The following BACH2 variants were observed in gnomAD, a reference collection of about 807,000 sequenced individuals.
BACH2 encodes the protein transcription regulator protein BACH2.
Under a neutral mutation model 61.8 loss-of-function variants are expected in BACH2, and 5 were observed. The ratio of observed to expected loss-of-function variants is 0.08; its 90% CI spans 0.04 to 0.17. BACH2 has a LOEUF of 0.17. BACH2 is among the 10% of genes least tolerant of loss of function. The pLI is 1.00. For missense variants in BACH2, 824 were observed against 1,091.1 expected (o/e 0.76, Z 3.45); for synonymous variants, 446 against 440.1 (o/e 1.01, Z -0.17).
chr6:90,076,314 G>A (rs753738046), intron 5 of BACH2, among the ~76,000 whole-genome samples: 14 of 151,896 alleles, frequency 9.2e-5, no homozygotes, highest in Non-Finnish European at 2.1e-4. Flanking sequence ...ATAAAACAAG[G>A]GCAAGCTTTT....
intron 4 of BACH2, among the ~76,000 whole-genome samples, chr6:90,173,321 T>C (rs1007426121): frequency 1.3e-5 from 2 of 152,124 alleles, no homozygotes; most frequent in Admixed American, 6.5e-5. Flanking sequence ...AATTAAAAAA[T>C]AGACAACATA....
Position 89,979,111 on chromosome 6 carries a change from A to G in BACH2, c.244-27249T>C, listed in dbSNP as rs894883248. ...GGAACACCAAAGAGATTTTCCCATA[A>G]AAAATAACTGTATGGACAGAAGTGT... On this transcript the variant is annotated intron_variant, in intron 6 of 8. Transcript: ENST00000257749. Among the ~76,000 whole-genome samples, 2 of 152,188 alleles carry G rather than the reference A, an allele frequency of 1.3e-5. 1 individual carries two copies. The highest frequency in any genetic ancestry group is 1.3e-4 in the Admixed American group (2 of 15,278).
chr6:90,125,693 G>A (rs987559099), intron 4 of BACH2, among the ~76,000 whole-genome samples: 10 of 152,144 alleles, frequency 6.6e-5, no homozygotes, highest in Non-Finnish European at 1.0e-4. Flanking sequence ...CCATTCCACC[G>A]GGCACATGCA....
rs1772533199 is a variant in BACH2, at chr6:89,929,690, C to G, written c.*2718G>C. ...GAGAAATAAAGAGGCCCCGCCCCTG[C>G]TAGAAATGGCTGCCAAACAGGTCTG... On this transcript the variant is annotated 3_prime_UTR_variant, in exon 9 of 9. Transcript: ENST00000257749. 1 of 152,276 alleles carries G rather than the reference C, an allele frequency of 6.6e-6. No individual in the cohort carries two copies. 9.4% of individuals were successfully genotyped at this position (152,276 alleles called of 1,614,324 possible).
chr6:90,119,346 C>T (rs557075365), intron 4 of BACH2, among the ~76,000 whole-genome samples: 5 of 152,272 alleles, frequency 3.3e-5, no homozygotes, highest in South Asian at 2.1e-4. Context: ...AATACGAAGA[C>T]TTAATGAGGA....
intron 3 of BACH2, among the ~76,000 whole-genome samples, chr6:90,234,070 C>T (rs1318651876): frequency 1.3e-5 from 2 of 152,206 alleles, no homozygotes; most frequent in African/African-American, 2.4e-5. Context: ...CCCCTTATCA[C>T]CACCCACATC....
At position 90,280,782 on chromosome 6, in the gene BACH2, T is replaced by C. The variant is rs572448312; in HGVS notation, c.-445-8841A>G. 3.4e-3 allele frequency among the ~76,000 whole-genome samples: 524 copies of C among 152,286 alleles called. 2 individuals are homozygous for C. Among genetic ancestry groups the C allele is most frequent in the Non-Finnish European group, 5.2e-3 (356 of 68,016 alleles). On this transcript the variant is annotated intron_variant, in intron 1 of 8. Coordinates refer to ENST00000257749, the MANE Select transcript of BACH2 (RefSeq NM_021813.4). ...CTAAGGGAGGTCCCACAGCCTCTGC[T>C]TGGGCATCTCCAGTATCCAGGACTT...
At chr6:90,150,634 G>T (rs1318247105) in intron 4 of BACH2, among the ~76,000 whole-genome samples, 1 of 152,168 alleles carries the variant, frequency 6.6e-6, no homozygotes, top group African/African-American at 2.4e-5. Context: ...AGGAAGGAAG[G>T]AGGATAGGCT....
At chr6:90,287,204 T>TA (rs941002616) in intron 1 of BACH2, among the ~76,000 whole-genome samples, 14 of 152,184 alleles carry the variant, frequency 9.2e-5, no homozygotes, top group Non-Finnish European at 1.6e-4. Context: ...CTATCTAAAA[T>TA]AAGTATAGTT....
At chr6:90,223,005 T>G (rs929156976) in intron 3 of BACH2, among the ~76,000 whole-genome samples, 1 of 152,204 alleles carries the variant, frequency 6.6e-6, no homozygotes, top group Non-Finnish European at 1.5e-5. Flanking sequence ...GGTCCAACCC[T>G]AGCCAATAGG....
intron 5 of BACH2, among the ~76,000 whole-genome samples, chr6:90,050,627 GAT>G (rs763785504): frequency 2.8e-4 from 43 of 152,176 alleles, no homozygotes; most frequent in Non-Finnish European, 5.9e-4. Context: ...TTTTCATAAA[GAT>G]ATGTTATTCA....
At chr6:90,196,784 AGCCTCAAGAT>A (rs2127846462) in intron 4 of BACH2, among the ~76,000 whole-genome samples, 1 of 152,326 alleles carries the variant, frequency 6.6e-6, no homozygotes, top group African/African-American at 2.4e-5. Flanking sequence ...AACTGAAACT[AGCCTCAAGAT>A]GCCACTTTAT....
At chr6:90,128,156 C>CT (rs1319044375) in intron 4 of BACH2, among the ~76,000 whole-genome samples, 1 of 152,188 alleles carries the variant, frequency 6.6e-6, no homozygotes, top group Non-Finnish European at 1.5e-5. Context: ...GCACCAAACT[C>CT]TCCTTTCTTT....
chr6:90,193,130 G>T (rs748692755), intron 4 of BACH2, among the ~76,000 whole-genome samples: 1 of 152,194 alleles, frequency 6.6e-6, no homozygotes, highest in Non-Finnish European at 1.5e-5. Flanking sequence ...ACTTCAAGGC[G>T]ACTGTGATTA....
intron 1 of BACH2, among the ~76,000 whole-genome samples, chr6:90,291,794 G>A (rs948339255): frequency 3.3e-5 from 5 of 152,088 alleles, no homozygotes; most frequent in African/African-American, 4.8e-5. Flanking sequence ...GCGATTTTCC[G>A]TCATTCCCAA....
At chr6:90,291,257 T>C (rs1772167691) in intron 1 of BACH2, among the ~76,000 whole-genome samples, 1 of 152,078 alleles carries the variant, frequency 6.6e-6, no homozygotes, top group African/African-American at 2.4e-5. Flanking sequence ...TGCTTTTGGA[T>C]TGGGAAGATT....
chr6:90,129,904 C>T (rs2127823016), intron 4 of BACH2, among the ~76,000 whole-genome samples: 1 of 152,064 alleles, frequency 6.6e-6, no homozygotes, highest in African/African-American at 2.4e-5. Context: ...GAGTCTCGTT[C>T]TGTCACCCAG....
chr6:90,134,398 T>C (rs1273526365), intron 4 of BACH2, among the ~76,000 whole-genome samples: 2 of 152,260 alleles, frequency 1.3e-5, no homozygotes, highest in Non-Finnish European at 2.9e-5. Context: ...GTGCCCTGTT[T>C]GTAGTATCAA....
intron 6 of BACH2, among the ~76,000 whole-genome samples, chr6:89,962,124 T>C (rs1162633254): frequency 6.6e-6 from 1 of 152,250 alleles, no homozygotes; most frequent in Non-Finnish European, 1.5e-5. Flanking sequence ...TTTGACACTT[T>C]CCTTAGCTCC....
Sources: gnomAD v4.1 joint callset for allele counts (sites outside exome capture counted in the v4.1 genomes callset) on GRCh38, gnomAD v4.1.1 for gene constraint, MANE v1.5 for transcripts, NCBI Gene and HGNC (gene_info 2026-07-23, HGNC 2026-07-21) for gene names.